Variants in EPM2A observed in about 807,000 individuals in gnomAD.
EPM2A encodes the protein laforin.
EPM2A carries 21 observed loss-of-function variants against 26.5 expected under a neutral mutation model. The ratio of observed to expected loss-of-function variants is 0.79; its 90% CI spans 0.56 to 1.14. The LOEUF (loss-of-function observed/expected upper bound fraction) is 1.14. Ranked by LOEUF, EPM2A falls within the 50% of genes most tolerant of loss-of-function variation. EPM2A has a pLI of 0.00. For synonymous variants in EPM2A, 217 were observed against 177.6 expected (o/e 1.22, Z -1.76); for missense variants, 458 against 440.8 (o/e 1.04, Z -0.35).
In EPM2A at chr6:145,452,482, A is replaced by G. The variant is rs548643494; in HGVS notation, c.555+50040T>C. Reference sequence around the variant, plus strand: ...AACATGGTGAAACCCAGTCTCTACTAAAAATACAAAAAAAAAAAAAAAAAA... The same window carrying G: ...AACATGGTGAAACCCAGTCTCTACTGAAAATACAAAAAAAAAAAAAAAAAA... On this transcript the variant is annotated intron_variant, in intron 4 of 4. Transcript: ENST00000638717. Among the ~76,000 whole-genome samples, 70 of 80,078 alleles carry G rather than the reference A, an allele frequency of 8.7e-4. No homozygotes were observed. The East Asian group carries it at 0.023, about 26-fold the overall frequency. 52.5% of individuals were successfully genotyped at this position (80,078 alleles called of 152,430 possible).
In EPM2A at chr6:145,683,303, GTGTGAGTGTGTA is replaced by G. The variant is rs1240939257; in HGVS notation, c.476+2807_476+2818del. Among the ~76,000 whole-genome samples, 35 of 146,190 alleles carry G rather than the reference GTGTGAGTGTGTA, an allele frequency of 2.4e-4. No homozygotes were observed. In the East Asian group the frequency reaches 3.2e-3, roughly 13 times the overall value. ...TGTGTGTGTGTGTGTGTGTGTGTGT[GTGTGAGTGTGTA>G]TATATTAGATTATATATTATACTCC... On this transcript the variant is annotated intron_variant, in intron 2 of 3. Coordinates refer to ENST00000367519, the MANE Select transcript of EPM2A (RefSeq NM_005670.4).
intron 2 of EPM2A, among the ~76,000 whole-genome samples, chr6:145,677,065 C>T (rs955372504): frequency 6.6e-6 from 1 of 152,152 alleles, no homozygotes; most frequent in African/African-American, 2.4e-5. Context: ...TCCAGCAGCA[C>T]ATCAAAAAGC....
chr6:145,393,853 T>A (rs1778370224), intron 4 of EPM2A, among the ~76,000 whole-genome samples: 1 of 151,288 alleles, frequency 6.6e-6, no homozygotes, highest in South Asian at 2.1e-4. Flanking sequence ...AGACAGAGTC[T>A]CATTCTGTTG....
intron 4 of EPM2A, among the ~76,000 whole-genome samples, chr6:145,459,336 C>T (rs1022448721): frequency 6.6e-6 from 1 of 152,152 alleles, no homozygotes; most frequent in African/African-American, 2.4e-5. Context: ...CTTTATCAAT[C>T]CCTGAGAACA....
At chr6:145,537,695 AT>A (rs1246412335) in intron 2 of EPM2A, among the ~76,000 whole-genome samples, 1 of 151,202 alleles carries the variant, frequency 6.6e-6, no homozygotes, top group East Asian at 2.0e-4. Context: ...TCAACCTGTA[AT>A]CTAGGTTTTA....
At chr6:145,612,318 TA>T (rs1167011345) in intron 2 of EPM2A, among the ~76,000 whole-genome samples, 2 of 151,998 alleles carry the variant, frequency 1.3e-5, no homozygotes, top group Non-Finnish European at 2.9e-5. Context: ...GATAAATGGG[TA>T]AAATGGGTAG....
intron 4 of EPM2A, among the ~76,000 whole-genome samples, chr6:145,385,823 T>A (rs1778252997): frequency 6.6e-6 from 1 of 151,754 alleles, no homozygotes; most frequent in Non-Finnish European, 1.5e-5. Context: ...TTTTTCTACT[T>A]TTTTTTTGTT....
intron 4 of EPM2A, among the ~76,000 whole-genome samples, chr6:145,429,444 A>G (rs574033366): frequency 6.6e-6 from 1 of 152,236 alleles, no homozygotes; most frequent in South Asian, 2.1e-4. Flanking sequence ...ATTAATCTAT[A>G]TTTCTCAAGT....
At chr6:145,520,099 A>C (rs576987300) in intron 2 of EPM2A, among the ~76,000 whole-genome samples, 2 of 152,194 alleles carry the variant, frequency 1.3e-5, no homozygotes, top group African/African-American at 4.8e-5. Context: ...TTGACTCTTT[A>C]AAGTTCTTTC....
chr6:145,596,572 T>C (rs1358426586), intron 2 of EPM2A, among the ~76,000 whole-genome samples: 1 of 152,160 alleles, frequency 6.6e-6, no homozygotes, highest in Non-Finnish European at 1.5e-5. Context: ...CTTCTTTTGG[T>C]TCTTCCTGGA....
chr6:145,687,586 G>T (rs1490664179), intron 1 of EPM2A, among the ~76,000 whole-genome samples: 2 of 152,080 alleles, frequency 1.3e-5, no homozygotes, highest in East Asian at 1.9e-4. Flanking sequence ...CAAACTAAAT[G>T]CATGAGTGGT....
chr6:145,391,108 G>A (rs1351794107), intron 4 of EPM2A, among the ~76,000 whole-genome samples: 2 of 152,166 alleles, frequency 1.3e-5, no homozygotes, highest in African/African-American at 4.8e-5. Flanking sequence ...GGGGACCCCA[G>A]AGAAACCTTA....
chr6:145,509,218 C>A (rs1451739676), intron 2 of EPM2A, among the ~76,000 whole-genome samples: 1 of 151,970 alleles, frequency 6.6e-6, no homozygotes, highest in Non-Finnish European at 1.5e-5. Flanking sequence ...GGTCAATATG[C>A]AGATACAAGA....
intron 4 of EPM2A, among the ~76,000 whole-genome samples, chr6:145,444,370 T>C (rs1248892931): frequency 6.6e-6 from 1 of 152,246 alleles, no homozygotes. Context: ...GTTTTTGTCT[T>C]TAGTTCTGTC....
intron 2 of EPM2A, among the ~76,000 whole-genome samples, chr6:145,545,911 A>G (rs995729029): frequency 5.3e-5 from 8 of 151,956 alleles, no homozygotes; most frequent in Non-Finnish European, 1.0e-4. Flanking sequence ...CACTTTCTCA[A>G]TTTTCCTTGA....
intron 4 of EPM2A, among the ~76,000 whole-genome samples, chr6:145,437,194 T>C (rs1434798661): frequency 1.3e-5 from 2 of 151,992 alleles, no homozygotes; most frequent in Non-Finnish European, 2.9e-5. Context: ...GATCTGATGG[T>C]TTAAAAGTGT....
chr6:145,581,419 C>A (rs1431973311), intron 2 of EPM2A, among the ~76,000 whole-genome samples: 1 of 152,040 alleles, frequency 6.6e-6, no homozygotes, highest in Non-Finnish European at 1.5e-5. Flanking sequence ...ACATAGCTTG[C>A]AAATATTTTC....
In EPM2A at chr6:145,635,413, A is replaced by C. The variant is rs909269002; in HGVS notation, c.550T>G (p.Leu184Val). The C allele has an allele frequency of 6.2e-7, 1 of 1,613,992 alleles. No individual in the cohort carries two copies. The highest frequency in any genetic ancestry group is 1.3e-5 in the African/African-American group (1 of 74,922). ...AAATTCATTACAGCTGTAATCCCCA[A>C]TTCATGCTTCAGTTTGATGGTTACA... ...EHVTIKLKHE[L>V]GITAVMNFQT... The change falls in exon 3 of 4, where the codon TTG becomes GTG. Residue 184 changes from leucine to valine, a missense_variant. Physicochemically the swap from Leu to Val is conservative, Grantham distance 32. Transcript: ENST00000367519.
intron 2 of EPM2A, among the ~76,000 whole-genome samples, chr6:145,656,447 C>T (rs1778292112): frequency 6.6e-6 from 1 of 152,186 alleles, no homozygotes; most frequent in Non-Finnish European, 1.5e-5. Context: ...CTAGTGGGCC[C>T]TGAAACTAAC....
Sources: gnomAD v4.1 joint callset for allele counts (sites outside exome capture counted in the v4.1 genomes callset) on GRCh38, gnomAD v4.1.1 for gene constraint, MANE v1.5 for transcripts, NCBI Gene and HGNC (gene_info 2026-07-23, HGNC 2026-07-21) for gene names.